MECOM: variants seen among roughly 807,000 people sequenced by gnomAD.
The protein encoded by MECOM is MDS1 and EVI1 complex locus.
In MECOM, 13 loss-of-function variants were observed where a neutral mutation model predicts 116.3. The observed-to-expected ratio is 0.11, with a 90% CI of 0.07 to 0.18. The LOEUF is 0.18. Ranked by LOEUF, MECOM falls within the 10% of genes least tolerant of loss-of-function variation. The pLI is 1.00. For missense variants in MECOM, 1,299 were observed against 1,509.0 expected (o/e 0.86, Z 2.31); for synonymous variants, 528 against 535.2 (o/e 0.99, Z 0.19).
intron 2 of MECOM, among the ~76,000 whole-genome samples, chr3:169,229,591 G>A (rs1237993988): frequency 6.6e-6 from 1 of 152,100 alleles, no homozygotes; most frequent in Non-Finnish European, 1.5e-5. Context: ...GATTCTGGTT[G>A]TGAATTCTGT....
chr3:169,204,471 GT>G (rs1478294444), intron 2 of MECOM, among the ~76,000 whole-genome samples: 2 of 152,074 alleles, frequency 1.3e-5, no homozygotes, highest in African/African-American at 4.8e-5. Flanking sequence ...TATCATCATT[GT>G]TTTGTATAAT....
intron 12 of MECOM, among the ~76,000 whole-genome samples, chr3:169,097,817 TAAAAAAAAAAAA>T (rs539873617): frequency 2.3e-5 from 2 of 87,194 alleles, no homozygotes; most frequent in Non-Finnish European, 4.5e-5. Flanking sequence ...ACTGTCTATA[TAAAAAAAAAAAA>T]AAAAAAAAAA....
At chr3:169,289,234 T>C (rs1481907112) in intron 2 of MECOM, among the ~76,000 whole-genome samples, 1 of 152,154 alleles carries the variant, frequency 6.6e-6, no homozygotes, top group African/African-American at 2.4e-5. Flanking sequence ...AAGGTAGAGA[T>C]GAGAAAATTA....
intron 2 of MECOM, among the ~76,000 whole-genome samples, chr3:169,162,557 T>G (rs1371612631): frequency 4.6e-5 from 7 of 152,150 alleles, no homozygotes; most frequent in African/African-American, 1.7e-4. Context: ...AAAATAATAT[T>G]ACTGGGAGCT....
chr3:169,487,032 A>G (rs760447604), intron 1 of MECOM, among the ~76,000 whole-genome samples: 30 of 152,080 alleles, frequency 2.0e-4, no homozygotes, highest in Non-Finnish European at 3.8e-4. Flanking sequence ...ATGATATCTC[A>G]TGTCTTTCTT....
At chr3:169,217,031 T>C (rs1484345511) in intron 2 of MECOM, among the ~76,000 whole-genome samples, 1 of 152,202 alleles carries the variant, frequency 6.6e-6, no homozygotes, top group East Asian at 1.9e-4. Flanking sequence ...AACCGACAGA[T>C]ACCCCATCTC....
At chr3:169,602,156 G>A (rs190451594) in intron 1 of MECOM, among the ~76,000 whole-genome samples, 4 of 152,156 alleles carry the variant, frequency 2.6e-5, no homozygotes, top group Non-Finnish European at 5.9e-5. Context: ...TTTGAATGGT[G>A]GTTTAAGTAA....
intron 2 of MECOM, among the ~76,000 whole-genome samples, chr3:169,183,623 GC>G (rs1746277321): frequency 6.6e-6 from 1 of 151,998 alleles, no homozygotes; most frequent in Non-Finnish European, 1.5e-5. Flanking sequence ...AGCTCCTCCT[GC>G]CTCACAGGCA....
chr3:169,619,773 A>C (rs1184373826), intron 1 of MECOM, among the ~76,000 whole-genome samples: 5 of 152,226 alleles, frequency 3.3e-5, no homozygotes, highest in African/African-American at 9.6e-5. Flanking sequence ...TATGAAAATC[A>C]GGGTTTTTAA....
chr3:169,311,709 A>C (rs1016289362), intron 2 of MECOM, among the ~76,000 whole-genome samples: 1 of 151,952 alleles, frequency 6.6e-6, no homozygotes, highest in African/African-American at 2.4e-5. Flanking sequence ...TTTGTTTTTC[A>C]AAAATTACCT....
In MECOM at chr3:169,464,762, GAGA is replaced by G. The variant is rs1049204293; in HGVS notation, c.38-83241_38-83239del. Among the ~76,000 whole-genome samples the G allele has an allele frequency of 1.5e-4, 23 of 152,044 alleles. 1 individual carries two copies. The highest frequency in any genetic ancestry group is 5.6e-4 in the African/African-American group (23 of 41,420). ...TGTATACAGCTATCCCAATTCAGGTGAGAAGAAGAGCAACTCCACCATTGTTCA... is the reference window on the plus strand; with the variant it reads ...TGTATACAGCTATCCCAATTCAGGTGAGAAGAGCAACTCCACCATTGTTCA... On this transcript the variant is annotated intron_variant, in intron 1 of 16. Transcript: ENST00000651503.
intron 2 of MECOM, among the ~76,000 whole-genome samples, chr3:169,312,205 A>G (rs1040956074): frequency 4.7e-4 from 71 of 152,332 alleles, no homozygotes; most frequent in African/African-American, 1.7e-3. Flanking sequence ...AGTATAGTAT[A>G]CACTGCCTTC....
chr3:169,116,782 T>C (rs1729295601), intron 7 of MECOM, 43 bp from the exon 8 acceptor site: 4 of 1,530,928 alleles, frequency 2.6e-6, no homozygotes, highest in Admixed American at 2.1e-5. Context: ...TTTATGTCAA[T>C]TGCTTCTGAA....
chr3:169,230,418 GGGCAGATTTTATAAATA>G (rs1295150862), intron 2 of MECOM, among the ~76,000 whole-genome samples: 3 of 152,024 alleles, frequency 2.0e-5, no homozygotes, highest in African/African-American at 7.2e-5. Flanking sequence ...GGTTAAAAGT[GGGCAGATTTTATAAATA>G]GGCCAGTCTT....
At chr3:169,533,597 C>CTTTTTT (rs1446426838) in intron 1 of MECOM, among the ~76,000 whole-genome samples, 1 of 59,192 alleles carries the variant, frequency 1.7e-5, no homozygotes, top group African/African-American at 1.3e-4. Context: ...TTTTTATTTC[C>CTTTTTT]TTATGTCGTT....
chr3:169,367,251 T>C (rs1301902676), intron 2 of MECOM, among the ~76,000 whole-genome samples: 3 of 152,052 alleles, frequency 2.0e-5, no homozygotes, highest in African/African-American at 7.2e-5. Context: ...AGAAAGTGAA[T>C]TGCAGAAATA....
intron 2 of MECOM, among the ~76,000 whole-genome samples, chr3:169,189,803 T>C (rs1053749478): frequency 6.6e-6 from 1 of 152,114 alleles, no homozygotes; most frequent in Non-Finnish European, 1.5e-5. Flanking sequence ...AATCTTCTCA[T>C]TTATTTACGA....
intron 2 of MECOM, among the ~76,000 whole-genome samples, chr3:169,266,760 T>G (rs1271252601): frequency 6.6e-6 from 1 of 152,178 alleles, no homozygotes; most frequent in Non-Finnish European, 1.5e-5. Flanking sequence ...AGTAATTACT[T>G]AATATGAAGT....
At chr3:169,584,539 T>C (rs950377197) in intron 1 of MECOM, among the ~76,000 whole-genome samples, 5 of 138,380 alleles carry the variant, frequency 3.6e-5, no homozygotes, top group African/African-American at 1.4e-4. Flanking sequence ...CACTCCAGCC[T>C]GGGCGAAAGA....
Sources: gnomAD v4.1 joint callset for allele counts (sites outside exome capture counted in the v4.1 genomes callset) on GRCh38, gnomAD v4.1.1 for gene constraint, MANE v1.5 for transcripts, NCBI Gene and HGNC (gene_info 2026-07-23, HGNC 2026-07-21) for gene names.